Variants in PDZRN4 observed in about 807,000 individuals in gnomAD.
PDZRN4 encodes PDZ domain containing ring finger 4, also known as PDZ domain-containing RING finger protein 4.
In PDZRN4, 70 loss-of-function variants were observed where a neutral mutation model predicts 99.0. That is an observed-to-expected ratio of 0.71 (90% CI 0.58 to 0.86). The LOEUF is 0.86. Ranked by LOEUF, PDZRN4 falls within the 40% of genes least tolerant of loss-of-function variation. The pLI is 0.00. For missense variants in PDZRN4, 1,474 were observed against 1,331.2 expected, an observed-to-expected ratio of 1.11 and a Z score of -1.67; for synonymous variants, 551 against 501.6, an observed-to-expected ratio of 1.10 and a Z score of -1.32.
At chr12:41,507,956 TC>T (rs1254823632) in intron 4 of PDZRN4, among the ~76,000 whole-genome samples, 1 of 152,110 alleles carries the variant, frequency 6.6e-6, no homozygotes, top group Non-Finnish European at 1.5e-5. Flanking sequence ...TATATAATAT[TC>T]ATTAATACAG....
intron 3 of PDZRN4, among the ~76,000 whole-genome samples, chr12:41,352,776 G>A (rs1951900312): frequency 6.6e-6 from 1 of 152,084 alleles, no homozygotes; most frequent in Non-Finnish European, 1.5e-5. Context: ...CCTCCCCAAA[G>A]ATATAATGAT....
chr12:41,571,376 T>TCTCTCTCTCTCA (rs1303597271), intron 9 of PDZRN4, among the ~76,000 whole-genome samples: 201 of 65,550 alleles, frequency 3.1e-3, no homozygotes, highest in African/African-American at 6.5e-3. Flanking sequence ...TCTCTCTCTC[T>TCTCTCTCTCTCA]CACACACACA....
chr12:41,328,395 G>T (rs1365999915), intron 3 of PDZRN4, among the ~76,000 whole-genome samples: 2 of 152,098 alleles, frequency 1.3e-5, no homozygotes, highest in Non-Finnish European at 2.9e-5. Context: ...CCAGTTTGGT[G>T]TCACATGCCT....
intron 3 of PDZRN4, among the ~76,000 whole-genome samples, chr12:41,274,084 T>A (rs1480670194): frequency 6.6e-6 from 1 of 152,140 alleles, no homozygotes; most frequent in Non-Finnish European, 1.5e-5. Context: ...GGACATTATA[T>A]ATTTTTTTCA....
chr12:41,413,702 G>A (rs914552127), intron 3 of PDZRN4, among the ~76,000 whole-genome samples: 41 of 151,916 alleles, frequency 2.7e-4, no homozygotes, highest in African/African-American at 9.9e-4. Flanking sequence ...GAGTCTATGG[G>A]TGCCCTTATA....
At chr12:41,563,918 G>T (rs1348707468) in intron 8 of PDZRN4, among the ~76,000 whole-genome samples, 2 of 152,016 alleles carry the variant, frequency 1.3e-5, no homozygotes, top group Non-Finnish European at 2.9e-5. Context: ...TCCTTATATT[G>T]CTCCATAGAA....
chr12:41,407,794 C>T (rs1952360685), intron 3 of PDZRN4, among the ~76,000 whole-genome samples: 1 of 152,006 alleles, frequency 6.6e-6, no homozygotes, highest in South Asian at 2.1e-4. Context: ...TAACATTTCA[C>T]ATTTTTAAAT....
At chr12:41,548,057 AT>A (rs1289249257) in intron 5 of PDZRN4, among the ~76,000 whole-genome samples, 1 of 152,242 alleles carries the variant, frequency 6.6e-6, no homozygotes, top group Non-Finnish European at 1.5e-5. Flanking sequence ...AGACATGATC[AT>A]AGGCTTTAGC....
intron 3 of PDZRN4, among the ~76,000 whole-genome samples, chr12:41,422,098 G>A (rs1952495020): frequency 6.6e-6 from 1 of 152,046 alleles, no homozygotes; most frequent in Non-Finnish European, 1.5e-5. Flanking sequence ...TATTTCTTGA[G>A]GCTGACAGAG....
At chr12:41,223,335 T>C (rs1950970773) in intron 3 of PDZRN4, among the ~76,000 whole-genome samples, 1 of 152,174 alleles carries the variant, frequency 6.6e-6, no homozygotes, top group Admixed American at 6.5e-5. Context: ...TAAAATTTTC[T>C]AAATTCCATT....
chr12:41,320,212 A>G (rs1278125107), intron 3 of PDZRN4, among the ~76,000 whole-genome samples: 2 of 152,002 alleles, frequency 1.3e-5, no homozygotes, highest in African/African-American at 4.8e-5. Flanking sequence ...ATCCCACTTC[A>G]CATTCCTTGG....
chr12:41,191,044 T>A (rs1950732505), intron 1 of PDZRN4, among the ~76,000 whole-genome samples: 1 of 152,184 alleles, frequency 6.6e-6, no homozygotes, highest in East Asian at 1.9e-4. Flanking sequence ...CCTTAAGACT[T>A]TACAAAATAA....
chr12:41,309,870 A>G (rs1001121807), intron 3 of PDZRN4, among the ~76,000 whole-genome samples: 2 of 152,124 alleles, frequency 1.3e-5, no homozygotes, highest in African/African-American at 4.8e-5. Context: ...ACAATATCCA[A>G]CATGGTTGTA....
At chr12:41,334,041 T>C (rs2120999667) in intron 3 of PDZRN4, among the ~76,000 whole-genome samples, 1 of 152,300 alleles carries the variant, frequency 6.6e-6, no homozygotes, top group South Asian at 2.1e-4. Context: ...ACCAGCTGAC[T>C]ACCACTCTAT....
chr12:41,374,624 C>A lies in PDZRN4; in HGVS notation c.844-131832C>A, dbSNP rs566846951. ...TATTTAGGAATTACACTTGAAAAAA[C>A]TTGAAGATTGGTTGAAATTAAGCAT... On this transcript the variant is annotated intron_variant, in intron 3 of 9. Transcript: ENST00000402685. Among the ~76,000 whole-genome samples the A allele has an allele frequency of 9.9e-5, 15 of 152,222 alleles. No individual in the cohort carries two copies. In the South Asian group the frequency reaches 3.1e-3, roughly 32 times the overall value.
At chr12:41,328,067 G>C (rs1217513553) in intron 3 of PDZRN4, among the ~76,000 whole-genome samples, 1 of 151,954 alleles carries the variant, frequency 6.6e-6, no homozygotes, top group Non-Finnish European at 1.5e-5. Context: ...GTATTTAATG[G>C]GGCTCAGAAG....
rs149454376 is a variant in PDZRN4, at chr12:41,502,011, G to A, written c.844-4445G>A. ...TCTAATCCTACATTTAGTTTGTCTC[G>A]GGACAACCACATGTCACTGTTTATC... On this transcript the variant is annotated intron_variant, in intron 3 of 9. Coordinates refer to ENST00000402685, the MANE Select transcript of PDZRN4 (RefSeq NM_001164595.2). Among the ~76,000 whole-genome samples, 681 of 151,938 alleles carry A rather than the reference G, an allele frequency of 4.5e-3. 2 individuals carry two copies. Among genetic ancestry groups the A allele is most frequent in the Non-Finnish European group, 6.4e-3 (434 of 67,974 alleles).
chr12:41,221,697 CG>C (rs937175627), intron 3 of PDZRN4, among the ~76,000 whole-genome samples: 11 of 151,732 alleles, frequency 7.2e-5, no homozygotes, highest in African/African-American at 2.7e-4. Context: ...GGTCAAATTA[CG>C]GTGACTCAGG....
chr12:41,379,107 G>A (rs575286287), intron 3 of PDZRN4, among the ~76,000 whole-genome samples: 2 of 151,938 alleles, frequency 1.3e-5, no homozygotes, highest in South Asian at 4.1e-4. Flanking sequence ...ATGTTTCCAG[G>A]AATTTATTCA....
Sources: allele counts gnomAD v4.1 joint callset (sites outside exome capture counted in the v4.1 genomes callset), GRCh38; gene constraint gnomAD v4.1.1; transcripts MANE v1.5; gene names NCBI Gene and HGNC (gene_info 2026-07-23, HGNC 2026-07-21).